PUDP: variants seen among roughly 807,000 people sequenced by gnomAD.
PUDP encodes pseudouridine-5'-phosphatase.
PUDP carries 8 observed loss-of-function variants against 9.4 expected under a neutral mutation model. The ratio of observed to expected loss-of-function variants is 0.85; its 90% CI spans 0.50 to 1.53. The LOEUF (loss-of-function observed/expected upper bound fraction) is 1.53. Ranked by LOEUF, PUDP falls within the 40% of genes most tolerant of loss-of-function variation. The probability of loss-of-function intolerance (pLI) is 0.00; values close to 1 mark genes in which losing one functional copy is unlikely to be tolerated. For synonymous variants in PUDP, 99 were observed against 80.7 expected (o/e 1.23, Z -1.22); for missense variants, 188 against 189.7 (o/e 0.99, Z 0.05).
At chrX:6,784,259 T>A (rs955898880) in intron 3 of PUDP, among the ~76,000 whole-genome samples, 2 of 111,851 alleles carry the variant, frequency 1.8e-5, no homozygotes, top group African/African-American at 6.5e-5. Flanking sequence ...TACACATCAT[T>A]CGAGTCTAAT....
At chrX:6,973,442 T>C (rs1928907973) in intron 3 of PUDP, among the ~76,000 whole-genome samples, 1 of 112,006 alleles carries the variant, frequency 8.9e-6, no homozygotes, top group African/African-American at 3.2e-5. Flanking sequence ...AACTTATTTA[T>C]TTCTGCCTTA....
intron 3 of PUDP, among the ~76,000 whole-genome samples, chrX:6,736,667 G>A (rs927329836): frequency 5.4e-5 from 6 of 111,713 alleles, no homozygotes; most frequent in African/African-American, 1.6e-4. Flanking sequence ...AATACTATGC[G>A]TCCATAAAAA....
At chrX:6,820,383 G>A (rs1926321542) in intron 3 of PUDP, among the ~76,000 whole-genome samples, 1 of 110,832 alleles carries the variant, frequency 9.0e-6, no homozygotes, top group Non-Finnish European at 1.9e-5. Context: ...AACGAATCAT[G>A]CCTTCCCAAC....
rs190862846 is a variant in PUDP, at chrX:7,113,970, T to G, written c.62-8132A>C. ...GGGACACATTTTGGGAGGGCCTTCT[T>G]GCTGGTGGGGACTCCATGGAGTCCC... On this transcript the variant is annotated intron_variant, in intron 1 of 3. Transcript: ENST00000381077. 2.1e-4 allele frequency among the ~76,000 whole-genome samples: 23 copies of G among 111,686 alleles called. No individual in the cohort carries two copies. In the East Asian group the frequency reaches 4.8e-3, roughly 24 times the overall value.
At chrX:6,970,941 C>T (rs752279850) in intron 3 of PUDP, among the ~76,000 whole-genome samples, 2 of 110,956 alleles carry the variant, frequency 1.8e-5, no homozygotes, top group African/African-American at 6.6e-5. Flanking sequence ...ATCCCAGCTA[C>T]TCAGGAGGCT....
intron 2 of PUDP, among the ~76,000 whole-genome samples, chrX:7,088,950 G>A (rs948922016): frequency 8.9e-6 from 1 of 111,843 alleles, no homozygotes; most frequent in Non-Finnish European, 1.9e-5. Flanking sequence ...TTTAGAAAAC[G>A]GCTATACTAG....
intron 3 of PUDP, among the ~76,000 whole-genome samples, chrX:6,747,743 C>T (rs1297008206): frequency 8.9e-6 from 1 of 112,015 alleles, no homozygotes; most frequent in Non-Finnish European, 1.9e-5. Flanking sequence ...TACATAATGA[C>T]TTTCTTATTC....
chrX:6,787,971 T>G (rs1046117442), intron 3 of PUDP, among the ~76,000 whole-genome samples: 1 of 112,219 alleles, frequency 8.9e-6, no homozygotes, highest in African/African-American at 3.2e-5. Flanking sequence ...ACCTCAAATT[T>G]TATGTTCTTC....
At chrX:7,082,226 CTG>C (rs1490418508) in intron 2 of PUDP, among the ~76,000 whole-genome samples, 1 of 112,208 alleles carries the variant, frequency 8.9e-6, no homozygotes, top group Non-Finnish European at 1.9e-5. Flanking sequence ...AGAATCAGCA[CTG>C]TGAGTGGGAA....
chrX:6,862,602 T>C (rs989469908), intron 3 of PUDP, among the ~76,000 whole-genome samples: 1 of 111,895 alleles, frequency 8.9e-6, no homozygotes, highest in Non-Finnish European at 1.9e-5. Flanking sequence ...TTAATTCCAT[T>C]TGAATAACTC....
At chrX:6,929,893 C>T (rs1052879908) in intron 3 of PUDP, among the ~76,000 whole-genome samples, 15 of 111,760 alleles carry the variant, frequency 1.3e-4, no homozygotes, top group Non-Finnish European at 2.6e-4. Context: ...TCTCAATCCT[C>T]TTTCCTTTGA....
At chrX:7,074,738 A>C (rs1446630942) in intron 3 of PUDP, among the ~76,000 whole-genome samples, 1 of 112,216 alleles carries the variant, frequency 8.9e-6, no homozygotes, top group Non-Finnish European at 1.9e-5. Context: ...GGAAATTCTA[A>C]GGAAAAATGA....
At chrX:6,780,166 TACAC>T (rs993999524) in intron 3 of PUDP, among the ~76,000 whole-genome samples, 3 of 109,935 alleles carry the variant, frequency 2.7e-5, no homozygotes, top group African/African-American at 1.0e-4. Flanking sequence ...TATATACACA[TACAC>T]ACACATATAC....
chrX:6,996,841 G>C (rs1404608786), intron 1 of PUDP, among the ~76,000 whole-genome samples: 1 of 107,618 alleles, frequency 9.3e-6, no homozygotes, highest in Non-Finnish European at 1.9e-5. Context: ...CTAATTTTTT[G>C]TATTTTTAGT....
At chrX:6,958,625 T>G (rs949689851) in intron 3 of PUDP, among the ~76,000 whole-genome samples, 2 of 109,362 alleles carry the variant, frequency 1.8e-5, no homozygotes, top group African/African-American at 6.7e-5. Context: ...ACAGCTACTC[T>G]GGAGGCTGAG....
chrX:6,844,742 T>G (rs894308259), intron 3 of PUDP, among the ~76,000 whole-genome samples: 1 of 112,143 alleles, frequency 8.9e-6, no homozygotes, highest in Admixed American at 9.4e-5. Context: ...CCCACAATGA[T>G]GCCATATTCA....
intron 3 of PUDP, among the ~76,000 whole-genome samples, chrX:6,862,563 G>T (rs1356933267): frequency 1.8e-5 from 2 of 111,574 alleles, no homozygotes; most frequent in Non-Finnish European, 3.8e-5. Flanking sequence ...AAAGGGACGG[G>T]GTTTTTCCCA....
In PUDP at chrX:7,077,430, G is replaced by C. The variant is rs748098120; in HGVS notation, c.300C>G (p.Ile100Met). Residue 100 changes from isoleucine (I) to methionine (M), a missense_variant, in exon 3 of 4, where the codon ATC (isoleucine) becomes ATG (methionine). Ile to Met is a conservative substitution (Grantham distance 10). Coordinates refer to ENST00000381077, the MANE Select transcript of PUDP (RefSeq NM_012080.5). ...ALMPGAEKLI[I>M]HLRKHGIPFA... ...AGGGGATGCCATGTTTCCGCAGGTG[G>C]ATGATGAGTTTCTCCGCCCCTGGGG... The C allele has an allele frequency of 2.5e-6, 3 of 1,208,262 alleles. No individual in the cohort carries two copies. In the African/African-American group the frequency reaches 5.3e-5, roughly 21 times the overall value.
intron 1 of PUDP, among the ~76,000 whole-genome samples, chrX:7,000,239 A>G (rs1297690143): frequency 1.8e-5 from 2 of 111,820 alleles, no homozygotes; most frequent in South Asian, 3.7e-4. Context: ...TGACAGCTCT[A>G]CACCAACAAA....
Sources: allele counts gnomAD v4.1 joint callset (sites outside exome capture counted in the v4.1 genomes callset), GRCh38; gene constraint gnomAD v4.1.1; transcripts MANE v1.5; gene names NCBI Gene and HGNC (gene_info 2026-07-23, HGNC 2026-07-21).